NECTIN3: variants seen among roughly 807,000 people sequenced by gnomAD.
The protein encoded by NECTIN3 is nectin-3.
In NECTIN3, 8 loss-of-function variants were observed where a neutral mutation model predicts 49.4. The ratio of observed to expected loss-of-function variants is 0.16; its 90% CI spans 0.10 to 0.29. The LOEUF is 0.29. Ranked by LOEUF, NECTIN3 falls within the 10% of genes least tolerant of loss-of-function variation. The probability of loss-of-function intolerance (pLI) is 1.00; values close to 1 mark genes in which losing one functional copy is unlikely to be tolerated. For synonymous variants in NECTIN3, 277 were observed against 241.1 expected, an observed-to-expected ratio of 1.15 and a Z score of -1.38; for missense variants, 581 against 654.6, an observed-to-expected ratio of 0.89 and a Z score of 1.23.
intron 1 of NECTIN3, among the ~76,000 whole-genome samples, chr3:111,087,572 G>C (rs559832379): frequency 5.7e-4 from 86 of 152,182 alleles, no homozygotes; most frequent in African/African-American, 1.5e-3. Flanking sequence ...ATAATCACTT[G>C]AACCCAGGAG....
intron 7 of NECTIN3, among the ~76,000 whole-genome samples, chr3:111,177,195 A>G (rs1170611033): frequency 1.3e-5 from 2 of 152,202 alleles, no homozygotes; most frequent in African/African-American, 4.8e-5. Context: ...GAGTTAATGT[A>G]TGAAATAAGG....
At chr3:111,105,064 T>C (rs1272259152) in intron 1 of NECTIN3, among the ~76,000 whole-genome samples, 1 of 152,182 alleles carries the variant, frequency 6.6e-6, no homozygotes, top group Non-Finnish European at 1.5e-5. Flanking sequence ...AACTGTACAG[T>C]TTTTTCACAC....
At chr3:111,191,536 C>T (rs1346561430), upstream of NECTIN3, among the ~76,000 whole-genome samples, 1 of 150,988 alleles carries the variant, frequency 6.6e-6, no homozygotes, top group Non-Finnish European at 1.5e-5. Flanking sequence ...CCGAGGAAAA[C>T]TGAAAAAAAT....
chr3:111,123,910 A>G (rs2034055762), intron 4 of NECTIN3, among the ~76,000 whole-genome samples: 1 of 152,146 alleles, frequency 6.6e-6, no homozygotes, highest in Admixed American at 6.6e-5. Context: ...CCTAAGGCAT[A>G]TATTGTTTTT....
chr3:111,158,018 A>G (rs923102570), intron 7 of NECTIN3, among the ~76,000 whole-genome samples: 3 of 152,110 alleles, frequency 2.0e-5, no homozygotes, highest in East Asian at 3.8e-4. Flanking sequence ...TCCACATAAC[A>G]TTGAATTTAA....
intron 1 of NECTIN3, chr3:111,193,489 C>A: frequency 8.2e-7 from 1 of 1,216,750 alleles, no homozygotes; most frequent in Non-Finnish European, 1.1e-6. Flanking sequence ...CAGTCCCACT[C>A]TAAGGGTATT....
intron 5 of NECTIN3, among the ~76,000 whole-genome samples, 198 bp downstream of exon 5, chr3:111,126,533 A>C (rs2107479296): frequency 6.6e-6 from 1 of 152,244 alleles, no homozygotes; most frequent in South Asian, 2.1e-4. Context: ...CCTTTATTGA[A>C]ATGTCAAAGT....
intron 5 of NECTIN3, among the ~76,000 whole-genome samples, chr3:111,129,260 C>T (rs907825693): frequency 5.0e-4 from 76 of 152,256 alleles, no homozygotes; most frequent in African/African-American, 1.8e-3. Flanking sequence ...CCTTCTCACC[C>T]CTTTGCTACT....
intron 1 of NECTIN3, among the ~76,000 whole-genome samples, chr3:111,099,398 G>A (rs771188620): frequency 1.3e-5 from 2 of 151,934 alleles, no homozygotes; most frequent in African/African-American, 2.4e-5. Flanking sequence ...CAAAATTTTC[G>A]CTTGGTTAAC....
intron 1 of NECTIN3, among the ~76,000 whole-genome samples, chr3:111,096,216 A>G (rs1199456331): frequency 6.6e-6 from 1 of 152,198 alleles, no homozygotes; most frequent in African/African-American, 2.4e-5. Flanking sequence ...ATGTTTCTGC[A>G]AAGAGTCTGG....
At chr3:111,113,944 C>T (rs1013561057) in intron 2 of NECTIN3, among the ~76,000 whole-genome samples, 2 of 152,122 alleles carry the variant, frequency 1.3e-5, no homozygotes, top group African/African-American at 4.8e-5. Flanking sequence ...GATTATACCA[C>T]TGCACTCCAG....
intron 5 of NECTIN3, among the ~76,000 whole-genome samples, chr3:111,130,863 A>G (rs2034361856): frequency 6.6e-6 from 1 of 152,058 alleles, no homozygotes; most frequent in Non-Finnish European, 1.5e-5. Context: ...CTTTTGATGT[A>G]TATTTTTCCC....
In NECTIN3 at chr3:111,137,127, T is replaced by A; in HGVS notation, c.*2912T>A. ...AGTACAGAAATTGAGAGAAATGTAG[T>A]CATTTTATATGTGAAAACATCTGAT... On this transcript the variant is annotated 3_prime_UTR_variant, in exon 6 of 6. Coordinates refer to ENST00000485303, the MANE Select transcript of NECTIN3 (RefSeq NM_015480.3). 1.0e-6 allele frequency: 1 copy of A among 973,392 alleles called. No individual in the cohort carries two copies. The highest frequency in any genetic ancestry group is 4.7e-5 in the South Asian group (1 of 21,058). 60.3% of individuals were successfully genotyped at this position (973,392 alleles called of 1,614,324 possible). A position where few individuals can be genotyped will look rare whatever the true frequency, so the allele number is the denominator to read the frequency against.
At chr3:111,178,956 A>G (rs1020202603) in intron 7 of NECTIN3, among the ~76,000 whole-genome samples, 1 of 152,350 alleles carries the variant, frequency 6.6e-6, no homozygotes, top group African/African-American at 2.4e-5. Context: ...GACTATGAGT[A>G]TAACCAAAGC....
intron 1 of NECTIN3, among the ~76,000 whole-genome samples, chr3:111,099,617 C>CT (rs900967799): frequency 3.9e-5 from 6 of 152,094 alleles, no homozygotes; most frequent in Admixed American, 6.6e-5. Context: ...TATTAGCACC[C>CT]TTTTTTTCTT....
chr3:111,100,447 A>G (rs1373522353), intron 1 of NECTIN3, among the ~76,000 whole-genome samples: 9 of 152,130 alleles, frequency 5.9e-5, no homozygotes, highest in Admixed American at 5.9e-4. Context: ...ATTACTTTCA[A>G]GCTATATGTA....
chr3:111,162,195 A>G (rs1412661858), intron 7 of NECTIN3, among the ~76,000 whole-genome samples: 2 of 151,956 alleles, frequency 1.3e-5, no homozygotes, highest in Non-Finnish European at 2.9e-5. Flanking sequence ...AAAATTAAAC[A>G]CTGCCTTTAA....
At chr3:111,165,192 C>T (rs1167215018) in intron 7 of NECTIN3, among the ~76,000 whole-genome samples, 8 of 152,036 alleles carry the variant, frequency 5.3e-5, no homozygotes, top group Non-Finnish European at 7.4e-5. Context: ...TACAGGTGCC[C>T]GCCACCATGC....
At position 111,072,001 on chromosome 3, in the gene NECTIN3, CGGGGGGAGGGT is replaced by C; in HGVS notation, c.-11_-1del. Reference sequence around the variant, plus strand: ...CCGGGGGGCGGGCGGGCGAGCGGGCCGGGGGGAGGGTGGGGGATGGCGCGGACCCTGCGGCC... The same window carrying C: ...CCGGGGGGCGGGCGGGCGAGCGGGCCGGGGGATGGCGCGGACCCTGCGGCC... On this transcript the variant is annotated 5_prime_UTR_variant, in exon 1 of 6. Coordinates refer to ENST00000485303, the MANE Select transcript of NECTIN3 (RefSeq NM_015480.3). 2.7e-6 allele frequency: 3 copies of C among 1,115,478 alleles called. No homozygotes were observed. The highest frequency in any genetic ancestry group is 3.4e-6 in the Non-Finnish European group (3 of 870,172). The allele number at this position is 1,115,478 out of a possible 1,614,324, so 69.1% of individuals were successfully genotyped here. A position where few individuals can be genotyped will look rare whatever the true frequency, so the allele number is the denominator to read the frequency against.
Sources: allele counts gnomAD v4.1 joint callset (sites outside exome capture counted in the v4.1 genomes callset), GRCh38; gene constraint gnomAD v4.1.1; transcripts MANE v1.5; gene names NCBI Gene and HGNC (gene_info 2026-07-23, HGNC 2026-07-21).